Variants in EIF3L observed in about 807,000 individuals in gnomAD.
EIF3L encodes eukaryotic translation initiation factor 3 subunit L.
Under a neutral mutation model 74.6 loss-of-function variants are expected in EIF3L, and 32 were observed. The observed-to-expected ratio is 0.43, with a 90% CI of 0.32 to 0.58. The LOEUF (loss-of-function observed/expected upper bound fraction) is 0.58, where lower values mean the gene tolerates loss of function less well. EIF3L is among the 20% of genes least tolerant of loss of function. EIF3L has a pLI of 0.06. For synonymous variants in EIF3L, 256 were observed against 254.4 expected (o/e 1.01, Z -0.06); for missense variants, 474 against 707.8 (o/e 0.67, Z 3.75).
chr22:37,885,907 G>C (rs995526368), intron 11 of EIF3L: 4 of 151,314 alleles, frequency 2.6e-5, no homozygotes, highest in Admixed American at 2.6e-4. Context: ...TAAAAAAGAC[G>C]AGGCTGGGCA....
chr22:37,863,704 A>G (rs1314520708), intron 7 of EIF3L, among the ~76,000 whole-genome samples: 1 of 152,102 alleles, frequency 6.6e-6, no homozygotes, highest in Non-Finnish European at 1.5e-5. Flanking sequence ...GTGATGTGCT[A>G]TTTAAACTCA....
chr22:37,877,511 T>A, intron 10 of EIF3L, 163 bp from the exon 11 acceptor site: 1 of 808,862 alleles, frequency 1.2e-6, no homozygotes, highest in Non-Finnish European at 1.9e-6. Flanking sequence ...GTTAGGTAGA[T>A]CTAGAGGGAG....
intron 5 of EIF3L, among the ~76,000 whole-genome samples, chr22:37,861,568 C>T (rs1925858300): frequency 6.6e-6 from 1 of 152,014 alleles, no homozygotes; most frequent in Admixed American, 6.6e-5. Flanking sequence ...CCTGTAATCC[C>T]AGCTACTCGG....
At chr22:37,865,378 C>T (rs981213162) in intron 7 of EIF3L, among the ~76,000 whole-genome samples, 6 of 151,530 alleles carry the variant, frequency 4.0e-5, no homozygotes, top group South Asian at 4.2e-4. Flanking sequence ...GGGAATCGCT[C>T]GAACCCGAGA....
At chr22:37,849,527 C>T (rs538591515) in intron 1 of EIF3L, 45 bp downstream of exon 1, 3 of 1,550,024 alleles carry the variant, frequency 1.9e-6, no homozygotes, top group Admixed American at 1.9e-5. Flanking sequence ...ACGGGGTGAT[C>T]TCTGGGACCA....
intron 11 of EIF3L, chr22:37,885,026 C>A (rs35849614): frequency 1.3e-5 from 2 of 149,024 alleles, no homozygotes; most frequent in Non-Finnish European, 3.0e-5. Flanking sequence ...TCAGGTGATC[C>A]TCCTATCTCA....
chr22:37,878,857 T>G (rs973377975), intron 11 of EIF3L: 2 of 151,998 alleles, frequency 1.3e-5, no homozygotes, highest in Non-Finnish European at 2.9e-5. Context: ...CAGGTTGCAA[T>G]GTTAAATACG....
At chr22:37,862,170 C>G (rs1925893323) in intron 5 of EIF3L, among the ~76,000 whole-genome samples, 1 of 152,212 alleles carries the variant, frequency 6.6e-6, no homozygotes. Context: ...AGTCAACAAT[C>G]TTTTGCCCAC....
Position 37,875,827 on chromosome 22 carries a change from A to G in EIF3L, c.907-14A>G, listed in dbSNP as rs778058776. 21 of 1,607,306 alleles carry G rather than the reference A, an allele frequency of 1.3e-5. No homozygotes were observed. The highest frequency in any genetic ancestry group is 8.0e-5 in the African/African-American group (6 of 74,632). ...ATTGGGACTCATGAATGTTTGTTCT[A>G]CCTCCTTCTACAGAGTATGTATTCC... is the stretch of plus-strand genomic sequence containing the variant. On this transcript the variant is annotated splice_polypyrimidine_tract_variant and intron_variant, in intron 9 of 12. Coordinates refer to ENST00000652021, the MANE Select transcript of EIF3L (RefSeq NM_016091.4).
Position 37,851,424 on chromosome 22 carries a change from C to A in EIF3L, c.227C>A (p.Ala76Asp). 2.5e-6 allele frequency: 4 copies of A among 1,613,990 alleles called. No individual in the cohort carries two copies. The highest frequency in any genetic ancestry group is 3.4e-6 in the Non-Finnish European group (4 of 1,179,980). The change falls in exon 3 of 13, where the codon GCC (alanine) becomes GAC (aspartate). Residue 76 changes from alanine (A) to aspartate (D), a missense_variant. This residue lies in a region of EIF3L where 141 missense variants were observed against 197.7 expected (regional missense o/e 0.71). Transcript: ENST00000652021. ...LIDQKVYELQ[A>D]SRVSSDVIDQ... ...GACCAGAAAGTGTATGAGCTACAGG[C>A]CAGTCGTGTCTCCAGTGATGTCATT...
intron 7 of EIF3L, among the ~76,000 whole-genome samples, chr22:37,866,153 C>A (rs533586747): frequency 3.7e-4 from 56 of 152,310 alleles, no homozygotes; most frequent in Middle Eastern, 3.4e-3. Context: ...GTTTCTCAGG[C>A]ACTTACATAA....
In EIF3L at chr22:37,888,504, A is replaced by G. The variant is rs765705203; in HGVS notation, c.*40A>G. The G allele has an allele frequency of 4.4e-6, 7 of 1,606,988 alleles. No homozygotes were observed. The highest frequency in any genetic ancestry group is 6.0e-6 in the Non-Finnish European group (7 of 1,175,418). On this transcript the variant is annotated 3_prime_UTR_variant, in exon 13 of 13. Coordinates refer to ENST00000652021, the MANE Select transcript of EIF3L (RefSeq NM_016091.4). ...ATTCAGGAACCTGTTTTGATGTATT[A>G]TAGGCAGGAAGTGTTTTTGCTACCG...
intron 7 of EIF3L, among the ~76,000 whole-genome samples, chr22:37,866,083 G>T (rs1382351391): frequency 6.6e-6 from 1 of 152,186 alleles, no homozygotes; most frequent in East Asian, 1.9e-4. Flanking sequence ...GAAAGTGCCT[G>T]CCTTGCTTGC....
Position 37,851,504 on chromosome 22 carries a change from G to A in EIF3L, c.293+14G>A. 6.3e-7 allele frequency: 1 copy of A among 1,585,308 alleles called. No individual in the cohort carries two copies. Among genetic ancestry groups the A allele is most frequent in the Middle Eastern group, 1.7e-4 (1 of 5,946 alleles). ...CTATGAGAACAGGTATGGGCTACTG[G>A]CTGAAAGGGCCTCTTTCTGGGTGGG... On this transcript the variant is annotated intron_variant, in intron 3 of 12. Transcript: ENST00000652021.
chr22:37,855,198 T>A (rs924956594), intron 3 of EIF3L, among the ~76,000 whole-genome samples: 3 of 152,170 alleles, frequency 2.0e-5, no homozygotes, highest in Non-Finnish European at 4.4e-5. Flanking sequence ...CTTCTGTGTT[T>A]AGAGACGTTT....
At chr22:37,851,238 T>G in intron 2 of EIF3L, 42 bp from the exon 3 acceptor site, 1 of 1,571,178 alleles carries the variant, frequency 6.4e-7, no homozygotes, top group Non-Finnish European at 8.7e-7. Context: ...ATCATATATG[T>G]GGGTTTGAGC....
In EIF3L at chr22:37,874,619, A is replaced by G. The variant is rs890747764; in HGVS notation, c.906+95A>G. 5 of 1,382,794 alleles carry G rather than the reference A, an allele frequency of 3.6e-6. No individual in the cohort carries two copies. In the South Asian group the frequency reaches 5.8e-5, roughly 16 times the overall value. The allele number at this position is 1,382,794 out of a possible 1,614,324, so 85.7% of individuals were successfully genotyped here. A position where few individuals can be genotyped will look rare whatever the true frequency, so the allele number is the denominator to read the frequency against. Reference sequence around the variant, plus strand: ...TCTTAGGACAAATTTCCAGGAGAGGAAAGAGGACTGTTCCCTCAGGCCATT... The same window carrying G: ...TCTTAGGACAAATTTCCAGGAGAGGGAAGAGGACTGTTCCCTCAGGCCATT... On this transcript the variant is annotated intron_variant, in intron 9 of 12. Coordinates refer to ENST00000652021, the MANE Select transcript of EIF3L (RefSeq NM_016091.4).
intron 7 of EIF3L, among the ~76,000 whole-genome samples, chr22:37,864,758 C>G (rs150013673): frequency 6.6e-6 from 1 of 152,100 alleles, no homozygotes; most frequent in East Asian, 1.9e-4. Context: ...AGGCTGGTCT[C>G]GAACTCCCAA....
At chr22:37,871,133 AAAAAAG>A (rs1443745625) in intron 8 of EIF3L, 1 of 152,094 alleles carries the variant, frequency 6.6e-6, no homozygotes, top group Non-Finnish European at 1.5e-5. Flanking sequence ...GTCTGAAAAA[AAAAAAG>A]AAGGAAAATC....
Sources: allele counts gnomAD v4.1 joint callset (sites outside exome capture counted in the v4.1 genomes callset), GRCh38; gene constraint gnomAD v4.1.1; regional missense constraint gnomAD v4.1.1; transcripts MANE v1.5; gene names NCBI Gene and HGNC (gene_info 2026-07-23, HGNC 2026-07-21).